The following HMBOX1 variants were observed in gnomAD, a reference collection of about 807,000 sequenced individuals.
The protein encoded by HMBOX1 is homeobox containing 1.
A neutral mutation model predicts 54.5 loss-of-function variants in HMBOX1; 14 were observed. The ratio of observed to expected loss-of-function variants is 0.26; its 90% CI spans 0.17 to 0.40. The LOEUF is 0.40. Among genes scored for constraint, HMBOX1 ranks in the 10% least tolerant of loss-of-function variants. HMBOX1 has a pLI of 1.00. For synonymous variants in HMBOX1, 160 were observed against 181.0 expected, an observed-to-expected ratio of 0.88 and a Z score of 0.93; for missense variants, 332 against 514.4, an observed-to-expected ratio of 0.65 and a Z score of 3.43.
At chr8:29,036,779 T>A (rs1418548154) in intron 6 of HMBOX1, among the ~76,000 whole-genome samples, 1 of 152,186 alleles carries the variant, frequency 6.6e-6, no homozygotes. Flanking sequence ...AACTAATAAG[T>A]CAGGAAACCT....
intron 9 of HMBOX1, chr8:29,050,132 C>A: frequency 4.4e-6 from 2 of 456,246 alleles, no homozygotes; most frequent in Non-Finnish European, 5.8e-6. Context: ...ATAGATGGAT[C>A]ATTTCCATCT....
chr8:28,960,451 T>C (rs1165040860), intron 1 of HMBOX1, among the ~76,000 whole-genome samples: 1 of 151,926 alleles, frequency 6.6e-6, no homozygotes, highest in East Asian at 1.9e-4. Flanking sequence ...TGATCAATTA[T>C]GGTAATGGAC....
intron 1 of HMBOX1, among the ~76,000 whole-genome samples, chr8:28,894,428 T>A (rs372347090): frequency 1.3e-5 from 2 of 152,122 alleles, no homozygotes; most frequent in South Asian, 4.1e-4. Context: ...CAGCACATGT[T>A]GTCCACATTA....
chr8:28,907,956 C>T (rs1013801892), intron 1 of HMBOX1, among the ~76,000 whole-genome samples: 2 of 151,976 alleles, frequency 1.3e-5, no homozygotes, highest in Non-Finnish European at 2.9e-5. Context: ...GCCATCCTCC[C>T]TACCTTAGCC....
At chr8:28,997,578 A>C (rs1832056596) in intron 4 of HMBOX1, among the ~76,000 whole-genome samples, 1 of 152,030 alleles carries the variant, frequency 6.6e-6, no homozygotes, top group Non-Finnish European at 1.5e-5. Context: ...ACTGGGTCTC[A>C]CTCTGTCGCC....
chr8:28,974,545 T>C (rs1294135465), intron 3 of HMBOX1, among the ~76,000 whole-genome samples: 1 of 152,236 alleles, frequency 6.6e-6, no homozygotes, highest in Non-Finnish European at 1.5e-5. Context: ...TAGTATTTTG[T>C]ATAAAACTGA....
chr8:28,971,525 G>A (rs1271220120), intron 3 of HMBOX1, among the ~76,000 whole-genome samples: 1 of 152,052 alleles, frequency 6.6e-6, no homozygotes, highest in Non-Finnish European at 1.5e-5. Context: ...ACATGTTAAG[G>A]GCCTGATATG....
intron 6 of HMBOX1, among the ~76,000 whole-genome samples, chr8:29,020,888 AAAGT>A (rs1325780602): frequency 6.6e-6 from 1 of 152,216 alleles, no homozygotes; most frequent in Non-Finnish European, 1.5e-5. Flanking sequence ...GTATAAGATA[AAAGT>A]AAGGCTGGAC....
intron 4 of HMBOX1, among the ~76,000 whole-genome samples, chr8:29,006,735 AC>A (rs1189719659): frequency 6.6e-6 from 1 of 152,130 alleles, no homozygotes; most frequent in Non-Finnish European, 1.5e-5. Context: ...TCCTCTTCTC[AC>A]TATACCAAAG....
At chr8:29,049,590 A>T in intron 9 of HMBOX1, 1 of 634,124 alleles carries the variant, frequency 1.6e-6, no homozygotes, top group Non-Finnish European at 2.5e-6. Flanking sequence ...GCATCCTCTC[A>T]TAAGTGCAAT....
At chr8:28,976,796 T>C (rs1436674190) in intron 3 of HMBOX1, among the ~76,000 whole-genome samples, 1 of 150,664 alleles carries the variant, frequency 6.6e-6, no homozygotes, top group Non-Finnish European at 1.5e-5. Flanking sequence ...AACCTCCGCC[T>C]CTGGGGTTCA....
At chr8:29,045,514 C>G (rs1805443427) in intron 7 of HMBOX1, 71 bp downstream of exon 7, 7 of 1,213,704 alleles carry the variant, frequency 5.8e-6, no homozygotes, top group Non-Finnish European at 8.5e-6. Context: ...ATCTAGGACA[C>G]TTAATCTTAT....
chr8:28,997,534 A>T (rs770401065), intron 4 of HMBOX1, among the ~76,000 whole-genome samples: 31 of 152,018 alleles, frequency 2.0e-4, no homozygotes, highest in Non-Finnish European at 4.0e-4. Flanking sequence ...ACATCTGCAT[A>T]TGTAAGGGAC....
At chr8:28,957,514 A>AAT (rs1721039642) in intron 1 of HMBOX1, among the ~76,000 whole-genome samples, 1 of 152,188 alleles carries the variant, frequency 6.6e-6, no homozygotes, top group African/African-American at 2.4e-5. Flanking sequence ...AGCATCATGC[A>AAT]ATATACCCTT....
intron 1 of HMBOX1, among the ~76,000 whole-genome samples, chr8:28,944,274 A>G (rs1020448159): frequency 6.6e-6 from 1 of 152,218 alleles, no homozygotes; most frequent in African/African-American, 2.4e-5. Context: ...TCCAACAAGC[A>G]TTTTTATTAT....
At chr8:29,019,637 C>T (rs1586526320) in intron 6 of HMBOX1, among the ~76,000 whole-genome samples, 1 of 152,102 alleles carries the variant, frequency 6.6e-6, no homozygotes, top group African/African-American at 2.4e-5. Context: ...TCTTATCTGA[C>T]CTGACTAGTA....
Position 29,052,826 on chromosome 8 carries a change from C to T in HMBOX1, c.*1671C>T, listed in dbSNP as rs1211139974. 6.6e-6 allele frequency: 1 copy of T among 152,126 alleles called. No homozygotes were observed. The highest frequency in any genetic ancestry group is 2.4e-5 in the African/African-American group (1 of 41,420). The allele number at this position is 152,126 out of a possible 1,614,324, so 9.4% of individuals were successfully genotyped here. The stretch of plus-strand genomic sequence containing the variant: ...TCCATCTCTCCTATGTATAATGAAG[C>T]CTTGTTTAAAGGGGCATGTGGGGCT... On this transcript the variant is annotated 3_prime_UTR_variant, in exon 10 of 10. Coordinates refer to ENST00000287701, the MANE Select transcript of HMBOX1 (RefSeq NM_001135726.3).
At chr8:29,021,512 T>C (rs1299529204) in intron 6 of HMBOX1, among the ~76,000 whole-genome samples, 1 of 152,142 alleles carries the variant, frequency 6.6e-6, no homozygotes, top group Non-Finnish European at 1.5e-5. Context: ...TCTATCTTTA[T>C]TGGGCTAAAG....
intron 4 of HMBOX1, among the ~76,000 whole-genome samples, chr8:28,985,859 A>G (rs1273591094): frequency 2.6e-5 from 4 of 152,068 alleles, no homozygotes; most frequent in South Asian, 2.1e-4. Context: ...ACTGTCTTCT[A>G]TACACCCCAC....
Sources: allele counts gnomAD v4.1 joint callset (sites outside exome capture counted in the v4.1 genomes callset), GRCh38; gene constraint gnomAD v4.1.1; transcripts MANE v1.5; gene names NCBI Gene and HGNC (gene_info 2026-07-23, HGNC 2026-07-21).